Variants in KATNIP observed in about 807,000 individuals in gnomAD.
KATNIP encodes katanin interacting protein.
A neutral mutation model predicts 174.0 loss-of-function variants in KATNIP; 126 were observed. That is an observed-to-expected ratio of 0.72 (90% CI 0.63 to 0.84). The LOEUF (loss-of-function observed/expected upper bound fraction) is 0.84. Ranked by LOEUF, KATNIP falls within the 40% of genes least tolerant of loss-of-function variation. The probability of loss-of-function intolerance (pLI) is 0.00; values close to 1 mark genes in which losing one functional copy is unlikely to be tolerated. For missense variants in KATNIP, 1,958 were observed against 2,109.7 expected (o/e 0.93, Z 1.41); for synonymous variants, 810 against 835.7 (o/e 0.97, Z 0.53).
chr16:27,720,208 C>T (rs528130134), intron 13 of KATNIP, among the ~76,000 whole-genome samples: 4 of 152,074 alleles, frequency 2.6e-5, no homozygotes, highest in Admixed American at 6.5e-5. Context: ...CTCCTGCCTC[C>T]GCCTCCTGAG....
chr16:27,639,755 A>C (rs867116751), intron 5 of KATNIP, among the ~76,000 whole-genome samples: 3 of 152,036 alleles, frequency 2.0e-5, no homozygotes, highest in Middle Eastern at 3.2e-3. Context: ...GAGTTCTGAA[A>C]CCCTTGCAGT....
At chr16:27,651,170 C>G (rs2077109911) in intron 6 of KATNIP, among the ~76,000 whole-genome samples, 1 of 152,224 alleles carries the variant, frequency 6.6e-6, no homozygotes, top group Admixed American at 6.5e-5. Flanking sequence ...CACGGGACAG[C>G]AGCATTAAGT....
In KATNIP at chr16:27,649,032, C is replaced by T. The variant is rs151169185; in HGVS notation, c.540+297C>T. ...GCAGAGAGGTTGGGGCAGAGCATGGCGCAGACAGAGGAGGGAGAGGATCCC... is the reference window on the plus strand; with the variant it reads ...GCAGAGAGGTTGGGGCAGAGCATGGTGCAGACAGAGGAGGGAGAGGATCCC... On this transcript the variant is annotated intron_variant, in intron 6 of 27. Transcript: ENST00000261588. Among the ~76,000 whole-genome samples, 761 of 152,224 alleles carry T rather than the reference C, an allele frequency of 5.0e-3. 3 individuals are homozygous for T. Among genetic ancestry groups the T allele is most frequent in the African/African-American group, 0.018 (727 of 41,530 alleles).
At chr16:27,758,131 C>T (rs2081807437) in intron 18 of KATNIP, among the ~76,000 whole-genome samples, 1 of 152,154 alleles carries the variant, frequency 6.6e-6, no homozygotes, top group African/African-American at 2.4e-5. Flanking sequence ...GCCAGGCAAA[C>T]AAAGAGATTG....
intron 2 of KATNIP, among the ~76,000 whole-genome samples, chr16:27,612,607 A>C (rs2075923516): frequency 6.6e-6 from 1 of 152,048 alleles, no homozygotes; most frequent in Non-Finnish European, 1.5e-5. Context: ...AAAAATACAA[A>C]GATTATCCAG....
intron 6 of KATNIP, among the ~76,000 whole-genome samples, chr16:27,651,105 C>T (rs2077107711): frequency 1.3e-5 from 2 of 152,244 alleles, no homozygotes; most frequent in South Asian, 4.2e-4. Flanking sequence ...CATTGGGCAC[C>T]TCTCGTTAAA....
chr16:27,708,697 T>C lies in KATNIP; in HGVS notation c.1390-8T>C. On this transcript the variant is annotated splice_polypyrimidine_tract_variant and splice_region_variant and intron_variant, in intron 12 of 27. Coordinates refer to ENST00000261588, the MANE Select transcript of KATNIP (RefSeq NM_015202.5). ...TAATCCTTTGGTGTTATTTTTCTCT[T>C]CTTTAAGGACAAACAGAGAATGAGG... is the stretch of plus-strand genomic sequence containing the variant. The C allele has an allele frequency of 6.2e-7, 1 of 1,601,296 alleles. No homozygotes were observed. The highest frequency in any genetic ancestry group is 2.2e-5 in the East Asian group (1 of 44,580).
intron 6 of KATNIP, among the ~76,000 whole-genome samples, chr16:27,666,471 A>G (rs1167764872): frequency 6.6e-6 from 1 of 152,020 alleles, no homozygotes; most frequent in Non-Finnish European, 1.5e-5. Flanking sequence ...AGGCTGAAGT[A>G]TAGTGGTGCA....
chr16:27,754,262 C>T lies in KATNIP; in HGVS notation c.3631+11C>T. The T allele has an allele frequency of 6.2e-7, 1 of 1,611,622 alleles. No homozygotes were observed. Among genetic ancestry groups the T allele is most frequent in the Non-Finnish European group, 8.5e-7 (1 of 1,177,670 alleles). On this transcript the variant is annotated intron_variant, in intron 18 of 27. Coordinates refer to ENST00000261588, the MANE Select transcript of KATNIP (RefSeq NM_015202.5). Reference sequence around the variant, plus strand: ...TCTACCACGGAATCTGTGAGTAGCTCTCCTGGAGCAGTGTTGGGTGGAAGG... The same window carrying T: ...TCTACCACGGAATCTGTGAGTAGCTTTCCTGGAGCAGTGTTGGGTGGAAGG...
chr16:27,608,226 C>CTTTTTTTTTTTT (rs35752811), intron 2 of KATNIP, among the ~76,000 whole-genome samples: 1 of 109,858 alleles, frequency 9.1e-6, no homozygotes, highest in Non-Finnish European at 1.9e-5. Context: ...TGGTAAAATT[C>CTTTTTTTTTTTT]TTTTTTTTTT....
At chr16:27,770,065 C>T in intron 21 of KATNIP, 47 bp downstream of exon 21, 1 of 1,593,126 alleles carries the variant, frequency 6.3e-7, no homozygotes, top group Non-Finnish European at 8.6e-7. Flanking sequence ...GGCCCCTGGG[C>T]CCGCTTGCTT....
At chr16:27,568,171 A>C (rs1426526636) in intron 1 of KATNIP, among the ~76,000 whole-genome samples, 1 of 152,150 alleles carries the variant, frequency 6.6e-6, no homozygotes, top group East Asian at 1.9e-4. Context: ...AAATATGACC[A>C]TCTTTTAAGG....
At chr16:27,627,315 A>G (rs897447081) in intron 3 of KATNIP, among the ~76,000 whole-genome samples, 1 of 152,334 alleles carries the variant, frequency 6.6e-6, no homozygotes, top group African/African-American at 2.4e-5. Context: ...CTGGCCTTAT[A>G]CATAGTGCAG....
chr16:27,686,197 C>T (rs2078517010), intron 8 of KATNIP, among the ~76,000 whole-genome samples: 1 of 152,188 alleles, frequency 6.6e-6, no homozygotes, highest in Non-Finnish European at 1.5e-5. Context: ...AACCAACTCA[C>T]TCTCCTCAAG....
chr16:27,579,344 C>G (rs771373320), intron 2 of KATNIP, among the ~76,000 whole-genome samples: 2 of 152,200 alleles, frequency 1.3e-5, no homozygotes, highest in African/African-American at 4.8e-5. Flanking sequence ...AGCTCTGCCT[C>G]AAATCCCAGC....
chr16:27,754,493 T>C (rs1268556772), intron 18 of KATNIP: 1 of 534,728 alleles, frequency 1.9e-6, no homozygotes, highest in Non-Finnish European at 3.4e-6. Context: ...CTGAGGGGCA[T>C]TTTTGCATGC....
intron 7 of KATNIP, among the ~76,000 whole-genome samples, chr16:27,680,284 T>C (rs906180651): frequency 1.3e-5 from 2 of 152,000 alleles, no homozygotes; most frequent in African/African-American, 4.8e-5. Context: ...GCAGTGTTAA[T>C]AATGGTCCCA....
At chr16:27,597,852 C>T (rs2141913057) in intron 2 of KATNIP, among the ~76,000 whole-genome samples, 1 of 152,148 alleles carries the variant, frequency 6.6e-6, no homozygotes, top group Non-Finnish European at 1.5e-5. Flanking sequence ...GAGCAAAGCA[C>T]AGGGAAGGGG....
At chr16:27,736,248 C>G (rs1390379660) in intron 14 of KATNIP, among the ~76,000 whole-genome samples, 1 of 152,162 alleles carries the variant, frequency 6.6e-6, no homozygotes, top group Non-Finnish European at 1.5e-5. Flanking sequence ...GGTGATCCAT[C>G]CACCTCGGCC....
Sources: gnomAD v4.1 joint callset for allele counts (sites outside exome capture counted in the v4.1 genomes callset) on GRCh38, gnomAD v4.1.1 for gene constraint, MANE v1.5 for transcripts, NCBI Gene and HGNC (gene_info 2026-07-23, HGNC 2026-07-21) for gene names.